The following KCNT2 variants were observed in gnomAD, a reference collection of about 807,000 sequenced individuals.
KCNT2 encodes the protein potassium channel subfamily T member 2.
Under a neutral mutation model 153.8 loss-of-function variants are expected in KCNT2, and 67 were observed. That is an observed-to-expected ratio of 0.44 (90% confidence interval 0.36 to 0.53). The LOEUF is 0.53. Ranked by LOEUF, KCNT2 falls within the 20% of genes least tolerant of loss-of-function variation. The pLI is 0.00. For synonymous variants in KCNT2, 500 were observed against 458.8 expected, an observed-to-expected ratio of 1.09 and a Z score of -1.15; for missense variants, 975 against 1,354.8, an observed-to-expected ratio of 0.72 and a Z score of 4.40.
At chr1:196,511,150 CACACACAA>C (rs754911252) in intron 1 of KCNT2, among the ~76,000 whole-genome samples, 6 of 126,350 alleles carry the variant, frequency 4.7e-5, no homozygotes, top group African/African-American at 1.2e-4. Context: ...CACACACACA[CACACACAA>C]CTTTTTAAAA....
intron 25 of KCNT2, among the ~76,000 whole-genome samples, chr1:196,269,967 G>A (rs1657913263): frequency 6.6e-6 from 1 of 151,876 alleles, no homozygotes; most frequent in Admixed American, 6.6e-5. Flanking sequence ...ATTTTCTCAT[G>A]TTTCTCCATC....
chr1:196,535,741 G>A (rs7552170), intron 1 of KCNT2, among the ~76,000 whole-genome samples: 118,310 of 152,122 alleles, frequency 0.78, 49,582 homozygotes, highest in East Asian at 0.97. Context: ...CGGCCTGTAC[G>A]CAATCTGTGG....
intron 1 of KCNT2, among the ~76,000 whole-genome samples, chr1:196,559,478 C>G (rs1257092142): frequency 6.6e-6 from 1 of 151,580 alleles, no homozygotes; most frequent in Non-Finnish European, 1.5e-5. Flanking sequence ...AGGGTAGATT[C>G]CCAGAAGTGG....
At chr1:196,377,168 G>A (rs1460173897) in intron 13 of KCNT2, among the ~76,000 whole-genome samples, 1 of 151,902 alleles carries the variant, frequency 6.6e-6, no homozygotes, top group Non-Finnish European at 1.5e-5. Context: ...AGGATGAGCT[G>A]AGCAAGAACA....
At chr1:196,355,645 GT>G in intron 14 of KCNT2, among the ~76,000 whole-genome samples, 1 of 151,698 alleles carries the variant, frequency 6.6e-6, no homozygotes, top group South Asian at 2.1e-4. Flanking sequence ...CTCTCAACGG[GT>G]TTTTTGAAGT....
intron 1 of KCNT2, among the ~76,000 whole-genome samples, chr1:196,601,553 T>C (rs953175954): frequency 6.6e-6 from 1 of 152,206 alleles, no homozygotes; most frequent in African/African-American, 2.4e-5. Context: ...AATTTTGAAA[T>C]GATAAAGACC....
intron 1 of KCNT2, among the ~76,000 whole-genome samples, chr1:196,510,622 A>G (rs968733455): frequency 5.3e-5 from 8 of 152,258 alleles, no homozygotes; most frequent in Admixed American, 3.9e-4. Context: ...TAGTAGTTAA[A>G]TATTATTTCA....
chr1:196,387,655 G>A (rs1349285596), intron 13 of KCNT2, among the ~76,000 whole-genome samples: 1 of 151,834 alleles, frequency 6.6e-6, no homozygotes, highest in South Asian at 2.1e-4. Context: ...TCATTTTGCT[G>A]ATGATTAGTG....
intron 13 of KCNT2, among the ~76,000 whole-genome samples, chr1:196,390,149 C>T (rs1322688649): frequency 1.3e-5 from 2 of 151,382 alleles, no homozygotes; most frequent in Non-Finnish European, 3.0e-5. Flanking sequence ...TACTTGCAAA[C>T]TATTTCATAT....
At chr1:196,452,341 A>T (rs376632140) in intron 8 of KCNT2, among the ~76,000 whole-genome samples, 1 of 151,974 alleles carries the variant, frequency 6.6e-6, no homozygotes, top group East Asian at 1.9e-4. Context: ...GATTATTGCC[A>T]TATGCCTCTC....
chr1:196,529,427 T>C (rs937851124), intron 1 of KCNT2, among the ~76,000 whole-genome samples: 1 of 152,100 alleles, frequency 6.6e-6, no homozygotes, highest in Non-Finnish European at 1.5e-5. Context: ...ACGGTTGAAG[T>C]CGTGGAAAAG....
intron 13 of KCNT2, among the ~76,000 whole-genome samples, chr1:196,393,926 G>C (rs188056141): frequency 6.6e-6 from 1 of 151,560 alleles, no homozygotes; most frequent in Admixed American, 6.6e-5. Context: ...TCATGTCTAT[G>C]GCACGCTGCC....
chr1:196,466,125 T>C (rs191375116), intron 7 of KCNT2, among the ~76,000 whole-genome samples: 1 of 152,210 alleles, frequency 6.6e-6, no homozygotes, highest in East Asian at 1.9e-4. Context: ...AATCATAAAT[T>C]AATATTGCAA....
intron 13 of KCNT2, among the ~76,000 whole-genome samples, chr1:196,375,545 CT>C (rs946226083): frequency 2.6e-5 from 4 of 151,514 alleles, no homozygotes; most frequent in African/African-American, 9.7e-5. Context: ...GTAAAAGTGT[CT>C]TTTTTTCCCA....
At chr1:196,598,677 CATA>C (rs1311088060) in intron 1 of KCNT2, among the ~76,000 whole-genome samples, 1 of 152,144 alleles carries the variant, frequency 6.6e-6, no homozygotes, top group African/African-American at 2.4e-5. Flanking sequence ...AGTGAATAGG[CATA>C]ATAATTAGAT....
chr1:196,376,940 A>G (rs542665106), intron 13 of KCNT2, among the ~76,000 whole-genome samples: 1 of 152,056 alleles, frequency 6.6e-6, no homozygotes, highest in Non-Finnish European at 1.5e-5. Context: ...GGAAGACAAG[A>G]CCTATGGGTG....
chr1:196,507,009 C>G (rs1681198507), intron 1 of KCNT2, among the ~76,000 whole-genome samples: 1 of 151,684 alleles, frequency 6.6e-6, no homozygotes, highest in South Asian at 2.1e-4. Context: ...ATTAAAACAT[C>G]TATATTTTAC....
chr1:196,316,975 G>A (rs1316388283), intron 20 of KCNT2, among the ~76,000 whole-genome samples: 1 of 151,702 alleles, frequency 6.6e-6, no homozygotes, highest in Admixed American at 6.6e-5. Context: ...CGTATCTTCT[G>A]ATTTATAATA....
intron 1 of KCNT2, among the ~76,000 whole-genome samples, chr1:196,544,299 T>C (rs972843486): frequency 3.3e-5 from 5 of 151,892 alleles, no homozygotes; most frequent in African/African-American, 1.2e-4. Flanking sequence ...TAAAAAGAAA[T>C]ATATATATTT....
Sources: allele counts gnomAD v4.1 joint callset (sites outside exome capture counted in the v4.1 genomes callset), GRCh38; gene constraint gnomAD v4.1.1; transcripts MANE v1.5; gene names NCBI Gene and HGNC (gene_info 2026-07-23, HGNC 2026-07-21).